RMND5B: variants seen among roughly 807,000 people sequenced by gnomAD.
RMND5B encodes the protein required for meiotic nuclear division 5 homolog B.
A neutral mutation model predicts 50.4 loss-of-function variants in RMND5B; 42 were observed. The observed-to-expected ratio is 0.83, with a 90% CI of 0.65 to 1.08. The LOEUF (loss-of-function observed/expected upper bound fraction) is 1.08. Ranked by LOEUF, RMND5B falls within the 50% of genes least tolerant of loss-of-function variation. The pLI is 0.00. For missense variants in RMND5B, 463 were observed against 508.5 expected, an observed-to-expected ratio of 0.91 and a Z score of 0.86; for synonymous variants, 220 against 210.0, an observed-to-expected ratio of 1.05 and a Z score of -0.41.
rs1485779386 is a variant in RMND5B, at chr5:178,132,258, T to G, written c.-13+882T>G. Among the ~76,000 whole-genome samples the G allele has an allele frequency of 1.1e-3, 170 of 151,690 alleles. 1 individual carries two copies. Among genetic ancestry groups the G allele is most frequent in the Admixed American group, 0.011 (169 of 15,248 alleles). On this transcript the variant is annotated intron_variant, in intron 2 of 10. Coordinates refer to ENST00000313386, the MANE Select transcript of RMND5B (RefSeq NM_022762.5). The stretch of plus-strand genomic sequence containing the variant: ...GAGTTCAAGACCAGCCTGGCCAACA[T>G]GGTGAAACCCCGTCTCTACTAAAAA...
intron 4 of RMND5B, 29 bp downstream of exon 4, chr5:178,142,757 G>C: frequency 3.1e-6 from 5 of 1,614,242 alleles, no homozygotes; most frequent in Non-Finnish European, 4.2e-6. Context: ...CCAGGCGTGG[G>C]GTGGGAGCAC....
rs1405756244 is a variant in RMND5B at position 178,137,815 on chromosome 5, AAAATT to A, written c.-12-290_-12-286del. Among the ~76,000 whole-genome samples the A allele has an allele frequency of 2.0e-5, 3 of 152,156 alleles. No individual in the cohort carries two copies. Among genetic ancestry groups the A allele is most frequent in the African/African-American group, 7.2e-5 (3 of 41,430 alleles). ...TTCTGATTTAAAAGGGAGATGAACA[AAAATT>A]AAGGCATGAAAAGAGTTGAAAATGG... On this transcript the variant is annotated intron_variant, in intron 2 of 10. Transcript: ENST00000313386. The surrounding 1 kb of genome is among the most constrained non-coding windows in gnomAD (Gnocchi z 4.4).
At chr5:178,142,468 A>C in intron 3 of RMND5B, 115 bp from the exon 4 acceptor site, 1 of 1,226,890 alleles carries the variant, frequency 8.2e-7, no homozygotes, top group Non-Finnish European at 1.1e-6. Flanking sequence ...TCACCCTGGC[A>C]TTCAGGGCTG....
In RMND5B at chr5:178,149,522, A is replaced by G. The variant is rs1561643360; in HGVS notation, c.*1490A>G. 2 of 633,510 alleles carry G rather than the reference A, an allele frequency of 3.2e-6. No homozygotes were observed. Among genetic ancestry groups the G allele is most frequent in the East Asian group, 6.0e-5 (2 of 33,570 alleles). 39.2% of individuals were successfully genotyped at this position (633,510 alleles called of 1,614,324 possible). ...TTCTTGGAACAGCCTTTAGTTCTAC[A>G]GGAAATGGCACTGATGGACAGAAGA... On this transcript the variant is annotated 3_prime_UTR_variant, in exon 11 of 11. Transcript: ENST00000313386.
rs941775984 is a variant in RMND5B, at chr5:178,147,440, T to C, written c.861-93T>C. On this transcript the variant is annotated intron_variant, in intron 8 of 10. Coordinates refer to ENST00000313386, the MANE Select transcript of RMND5B (RefSeq NM_022762.5). ...TTGACCGTGCACCATTTTAGAGCCC[T>C]GTCTCAAGGTCCATGCTGAAGCATG... The C allele has an allele frequency of 5.5e-6, 5 of 903,730 alleles. No individual in the cohort carries two copies. In the African/African-American group the frequency reaches 8.3e-5, roughly 15 times the overall value. 56.0% of individuals were successfully genotyped at this position (903,730 alleles called of 1,614,324 possible). A position where few individuals can be genotyped will look rare whatever the true frequency, so the allele number is the denominator to read the frequency against.
At chr5:178,140,236 C>T (rs111955618) in intron 3 of RMND5B, among the ~76,000 whole-genome samples, 2,762 of 152,208 alleles carry the variant, frequency 0.018, 43 homozygotes, top group East Asian at 0.086. Flanking sequence ...TGCAGTGGCA[C>T]GATCTTGGCT....
At chr5:178,140,237 G>A (rs980260884) in intron 3 of RMND5B, among the ~76,000 whole-genome samples, 4 of 152,054 alleles carry the variant, frequency 2.6e-5, no homozygotes, top group African/African-American at 9.7e-5. Context: ...GCAGTGGCAC[G>A]ATCTTGGCTC....
At chr5:178,136,624 T>TGGGAATGA (rs994104551) in intron 2 of RMND5B, among the ~76,000 whole-genome samples, 2 of 151,742 alleles carry the variant, frequency 1.3e-5, no homozygotes. Flanking sequence ...CTCATGCTGG[T>TGGGAATGA]GGGAATGAGG....
intron 7 of RMND5B, 139 bp downstream of exon 7, chr5:178,144,247 C>G (rs56712710): frequency 1.2e-6 from 1 of 847,114 alleles, no homozygotes; most frequent in Non-Finnish European, 1.8e-6. Context: ...AGAAACTTCT[C>G]TGACCCCTCG....
intron 2 of RMND5B, chr5:178,135,286 A>AC (rs1758562414): frequency 4.5e-6 from 1 of 224,100 alleles, no homozygotes; most frequent in South Asian, 4.1e-5. Context: ...AGGAGCTGGG[A>AC]CCACAGGCGT....
Position 178,147,808 on chromosome 5 carries a change from C to G in RMND5B, c.1043C>G (p.Ser348Cys), listed in dbSNP as rs770726943. 1.9e-6 allele frequency: 3 copies of G among 1,614,050 alleles called. No individual in the cohort carries two copies. Among genetic ancestry groups the G allele is most frequent in the Admixed American group, 1.7e-5 (1 of 59,998 alleles). ...CPILRQQTSD[S>C]NPPIKLICGH... is the part of the protein sequence containing the mutation. ...ATCCTCCGCCAGCAGACGTCAGATTCCAACCCTCCCATCAAGCTCATCTGT... is the reference window on the plus strand; with the variant it reads ...ATCCTCCGCCAGCAGACGTCAGATTGCAACCCTCCCATCAAGCTCATCTGT... The change falls in exon 10 of 11, where the codon TCC becomes TGC. Residue 348 changes from serine to cysteine, a missense_variant. Coordinates refer to ENST00000313386, the MANE Select transcript of RMND5B (RefSeq NM_022762.5).
At chr5:178,131,746 C>T (rs949911992) in intron 2 of RMND5B, among the ~76,000 whole-genome samples, 2 of 151,924 alleles carry the variant, frequency 1.3e-5, no homozygotes, top group Admixed American at 6.6e-5. Context: ...AGAGAGTGGT[C>T]CAGGCAGCGG....
rs562778034 is a variant in RMND5B, at chr5:178,137,068, T to A, written c.-12-1040T>A. The stretch of plus-strand genomic sequence containing the variant: ...GAGACAGCTGCTGAAGACGCTGACG[T>A]CTGAGCTAACTCAGAAGTGATGGGC... On this transcript the variant is annotated intron_variant, in intron 2 of 10. Coordinates refer to ENST00000313386, the MANE Select transcript of RMND5B (RefSeq NM_022762.5). This position sits in a 1 kb window ranked among gnomAD's most constrained non-coding sequence, Gnocchi z 4.4. 6.6e-6 allele frequency among the ~76,000 whole-genome samples: 1 copy of A among 152,222 alleles called. No homozygotes were observed. The highest frequency in any genetic ancestry group is 1.5e-5 in the Non-Finnish European group (1 of 67,998).
chr5:178,136,588 G>A (rs1758634010), intron 2 of RMND5B, among the ~76,000 whole-genome samples: 1 of 152,128 alleles, frequency 6.6e-6, no homozygotes, highest in Non-Finnish European at 1.5e-5. Context: ...AGTGGCTACA[G>A]ATGGGTCAAG....
In RMND5B at chr5:178,138,555, AGT is replaced by A. The variant is rs895450023; in HGVS notation, c.139+300_139+301del. Among the ~76,000 whole-genome samples, 1 of 143,324 alleles carries A rather than the reference AGT, an allele frequency of 7.0e-6. No individual in the cohort carries two copies. Among genetic ancestry groups the A allele is most frequent in the African/African-American group, 2.6e-5 (1 of 38,896 alleles). 94.0% of individuals were successfully genotyped at this position (143,324 alleles called of 152,430 possible). On this transcript the variant is annotated intron_variant, in intron 3 of 10. Coordinates refer to ENST00000313386, the MANE Select transcript of RMND5B (RefSeq NM_022762.5). The surrounding 1 kb of genome is among the most constrained non-coding windows in gnomAD (Gnocchi z 5.1). ...TGTGTGTGTGTGTGTGTGTAGAAAC[AGT>A]GTCTTTGTTGCCTAGGCTGGTCTTT...
chr5:178,132,887 G>GAC (rs1258899085), intron 2 of RMND5B, among the ~76,000 whole-genome samples: 1 of 50,052 alleles, frequency 2.0e-5, no homozygotes, highest in African/African-American at 6.8e-5. Flanking sequence ...GTTTTTTTGA[G>GAC]ACAGTCTCAC....
intron 2 of RMND5B, among the ~76,000 whole-genome samples, chr5:178,134,370 T>C (rs570050602): frequency 6.6e-6 from 1 of 152,318 alleles, no homozygotes; most frequent in South Asian, 2.1e-4. Context: ...AGGGTTTATA[T>C]GTCAACCATG....
intron 8 of RMND5B, 126 bp from the exon 9 acceptor site, chr5:178,147,407 G>A: frequency 3.0e-6 from 2 of 664,650 alleles, no homozygotes; most frequent in South Asian, 3.8e-5. Flanking sequence ...GGATCTTTGA[G>A]GACCGATTTG....
chr5:178,138,515 A>G lies in RMND5B; in HGVS notation c.139+257A>G, dbSNP rs886722724. On this transcript the variant is annotated intron_variant, in intron 3 of 10. Transcript: ENST00000313386. This position sits in a 1 kb window ranked among gnomAD's most constrained non-coding sequence, Gnocchi z 5.1. The stretch of plus-strand genomic sequence containing the variant: ...TCTATTTTTAACTTTTTTTCATTTT[A>G]TAATTGTGTGTGTGTGTGTGTGTGT... 1.7e-5 allele frequency: 9 copies of G among 531,036 alleles called. No homozygotes were observed. Among genetic ancestry groups the G allele is most frequent in the African/African-American group, 6.0e-5 (2 of 33,468 alleles). 32.9% of individuals were successfully genotyped at this position (531,036 alleles called of 1,614,324 possible).
Sources: allele counts gnomAD v4.1 joint callset (sites outside exome capture counted in the v4.1 genomes callset), GRCh38; gene constraint gnomAD v4.1.1; non-coding constraint Gnocchi (gnomAD v3.1); transcripts MANE v1.5; gene names NCBI Gene and HGNC (gene_info 2026-07-23, HGNC 2026-07-21).